AAK1: variants seen among roughly 807,000 people sequenced by gnomAD.
AAK1 encodes AP2 associated kinase 1, also known as AP2-associated protein kinase 1.
Under a neutral mutation model 116.0 loss-of-function variants are expected in AAK1, and 37 were observed. That is an observed-to-expected ratio of 0.32 (90% CI 0.25 to 0.42). The LOEUF (loss-of-function observed/expected upper bound fraction) is 0.42. Ranked by LOEUF, AAK1 falls within the 10% of genes least tolerant of loss-of-function variation. AAK1 has a pLI of 1.00. For missense variants in AAK1, 919 were observed against 1,170.6 expected, an observed-to-expected ratio of 0.79 and a Z score of 3.14; for synonymous variants, 458 against 439.9, an observed-to-expected ratio of 1.04 and a Z score of -0.51.
In AAK1 at chr2:69,495,778, G is replaced by T. The variant is rs575411827; in HGVS notation, c.2365+207C>A. Among the ~76,000 whole-genome samples, 3 of 152,276 alleles carry T rather than the reference G, an allele frequency of 2.0e-5. No individual in the cohort carries two copies. The East Asian group carries it at 5.8e-4, about 29-fold the overall frequency. ...TATGGAAATCAATTTGGTATAACCT[G>T]AACTGATTTTATCTTTGCTAAGGGC... On this transcript the variant is annotated intron_variant, in intron 17 of 21. Coordinates refer to ENST00000409085, the MANE Select transcript of AAK1 (RefSeq NM_014911.5).
At chr2:69,494,939 G>A (rs977144051) in intron 17 of AAK1, among the ~76,000 whole-genome samples, 1 of 152,162 alleles carries the variant, frequency 6.6e-6, no homozygotes, top group African/African-American at 2.4e-5. Context: ...CTTAGTGATG[G>A]TGGGCAGACT....
chr2:69,475,165 A>C lies in AAK1; in HGVS notation c.*704T>G. ...GCAGTCACGTCTCCAGATCTGAGAA[A>C]TCACGGTTCAATGGAAGCCAGAAAG... On this transcript the variant is annotated 3_prime_UTR_variant, in exon 22 of 22. Transcript: ENST00000409085. 5 of 985,898 alleles carry C rather than the reference A, an allele frequency of 5.1e-6. No homozygotes were observed. Among genetic ancestry groups the C allele is most frequent in the Non-Finnish European group, 6.0e-6 (5 of 829,956 alleles). 61.1% of individuals were successfully genotyped at this position (985,898 alleles called of 1,614,324 possible).
chr2:69,546,559 A>G (rs1670932592), intron 3 of AAK1, among the ~76,000 whole-genome samples: 1 of 152,226 alleles, frequency 6.6e-6, no homozygotes, highest in Non-Finnish European at 1.5e-5. Context: ...CCTACATTTA[A>G]CTATTTGAAA....
chr2:69,494,595 G>A (rs1558908216), intron 17 of AAK1, among the ~76,000 whole-genome samples: 1 of 152,138 alleles, frequency 6.6e-6, no homozygotes, highest in Non-Finnish European at 1.5e-5. Context: ...CCAAAACAGG[G>A]AGGAAAAGAC....
At chr2:69,624,337 T>C (rs1193238452) in intron 2 of AAK1, among the ~76,000 whole-genome samples, 1 of 152,192 alleles carries the variant, frequency 6.6e-6, no homozygotes, top group East Asian at 1.9e-4. Context: ...AAATAGGAAA[T>C]TGGTTAAGTA....
chr2:69,578,415 G>C (rs1672402622), intron 2 of AAK1, among the ~76,000 whole-genome samples: 1 of 152,156 alleles, frequency 6.6e-6, no homozygotes, highest in Non-Finnish European at 1.5e-5. Context: ...AATGCAATGA[G>C]ATCCTGCTTG....
At chr2:69,610,658 A>G (rs1310902374) in intron 2 of AAK1, among the ~76,000 whole-genome samples, 1 of 152,254 alleles carries the variant, frequency 6.6e-6, no homozygotes, top group African/African-American at 2.4e-5. Context: ...CTAAAATTCA[A>G]TAACAGCCCT....
intron 2 of AAK1, among the ~76,000 whole-genome samples, chr2:69,578,770 C>G (rs1672421494): frequency 1.3e-5 from 2 of 151,582 alleles, no homozygotes; most frequent in African/African-American, 4.9e-5. Context: ...CCAAGTCTCT[C>G]TGATCATAAA....
At chr2:69,535,354 A>T (rs1670419589) in intron 5 of AAK1, among the ~76,000 whole-genome samples, 2 of 152,092 alleles carry the variant, frequency 1.3e-5, no homozygotes, top group Non-Finnish European at 2.9e-5. Flanking sequence ...CGTACCCACA[A>T]AAATTAAAAA....
At chr2:69,580,806 C>T (rs780660750) in intron 2 of AAK1, among the ~76,000 whole-genome samples, 1 of 152,216 alleles carries the variant, frequency 6.6e-6, no homozygotes, top group Non-Finnish European at 1.5e-5. Context: ...GACTGAATTA[C>T]ATGAACTCTA....
intron 2 of AAK1, among the ~76,000 whole-genome samples, chr2:69,629,162 T>C (rs1478743113): frequency 6.6e-6 from 1 of 152,246 alleles, no homozygotes; most frequent in Non-Finnish European, 1.5e-5. Context: ...GGAGCCAATC[T>C]ATGCATTTTC....
In AAK1 at chr2:69,462,902, A is replaced by C. The variant is rs1674378147; in HGVS notation, c.*12967T>G. 1 of 152,262 alleles carries C rather than the reference A, an allele frequency of 6.6e-6. No homozygotes were observed. Among genetic ancestry groups the C allele is most frequent in the Non-Finnish European group, 1.5e-5 (1 of 68,046 alleles). 9.4% of individuals were successfully genotyped at this position (152,262 alleles called of 1,614,324 possible). A position where few individuals can be genotyped will look rare whatever the true frequency, so the allele number is the denominator to read the frequency against. On this transcript the variant is annotated 3_prime_UTR_variant, in exon 22 of 22. Transcript: ENST00000409085. ...GAGAATTGGGAAAAAGCATATTCTTAGAATAACATTTAGCATCCACCAAAG... is the reference window on the plus strand; with the variant it reads ...GAGAATTGGGAAAAAGCATATTCTTCGAATAACATTTAGCATCCACCAAAG...
At chr2:69,551,209 A>G (rs1671168379) in intron 3 of AAK1, among the ~76,000 whole-genome samples, 1 of 152,130 alleles carries the variant, frequency 6.6e-6, no homozygotes, top group African/African-American at 2.4e-5. Context: ...ACATGGACAC[A>G]TAGCGGGTAA....
At chr2:69,601,483 G>C (rs1010191758) in intron 2 of AAK1, among the ~76,000 whole-genome samples, 2 of 152,328 alleles carry the variant, frequency 1.3e-5, no homozygotes, top group South Asian at 2.1e-4. Flanking sequence ...AGATAGAACA[G>C]AGCCATCGGC....
At chr2:69,594,618 G>T in intron 2 of AAK1, 1 of 506,920 alleles carries the variant, frequency 2.0e-6, no homozygotes, top group East Asian at 3.5e-5. Context: ...CCGAAAGTGA[G>T]GCCTCTTGTA....
intron 2 of AAK1, among the ~76,000 whole-genome samples, chr2:69,637,045 T>C (rs941886161): frequency 6.6e-6 from 1 of 152,212 alleles, no homozygotes; most frequent in African/African-American, 2.4e-5. Flanking sequence ...TGGGCTACTT[T>C]ATTGAACAGC....
chr2:69,494,363 G>A (rs1263186407), intron 17 of AAK1, among the ~76,000 whole-genome samples: 1 of 152,280 alleles, frequency 6.6e-6, no homozygotes, highest in African/African-American at 2.4e-5. Flanking sequence ...GCCACCTGGG[G>A]CATGTGCCTG....
intron 2 of AAK1, among the ~76,000 whole-genome samples, chr2:69,605,701 G>A (rs985371473): frequency 2.0e-5 from 3 of 152,184 alleles, no homozygotes; most frequent in Non-Finnish European, 4.4e-5. Context: ...AATTTATAAT[G>A]TGTAGATGTG....
At position 69,505,558 on chromosome 2, in the gene AAK1, G is replaced by GCC. The variant is rs779704557; in HGVS notation, c.2269+9_2269+10dup. ...AGTGAACCTCCCGTTCCAGGTATTT[G>GCC]CCATACTAACCAGTTCCAGCAGAAA... On this transcript the variant is annotated intron_variant, in intron 16 of 21. Transcript: ENST00000409085. The GCC allele has an allele frequency of 6.2e-7, 1 of 1,609,684 alleles. No homozygotes were observed. Among genetic ancestry groups the GCC allele is most frequent in the Non-Finnish European group, 8.5e-7 (1 of 1,176,478 alleles).
Sources: gnomAD v4.1 joint callset for allele counts (sites outside exome capture counted in the v4.1 genomes callset) on GRCh38, gnomAD v4.1.1 for gene constraint, MANE v1.5 for transcripts, NCBI Gene and HGNC (gene_info 2026-07-23, HGNC 2026-07-21) for gene names.